The following STX3 variants were observed in gnomAD, a reference collection of about 807,000 sequenced individuals.
STX3 encodes syntaxin 3, also known as syntaxin-3.
STX3 carries 19 observed loss-of-function variants against 40.2 expected under a neutral mutation model. The ratio of observed to expected loss-of-function variants is 0.47; its 90% CI spans 0.33 to 0.69. The LOEUF is 0.69. Among genes scored for constraint, STX3 ranks in the 30% least tolerant of loss-of-function variants. STX3 has a pLI of 0.02. For synonymous variants in STX3, 122 were observed against 132.2 expected (o/e 0.92, Z 0.53); for missense variants, 364 against 366.7 (o/e 0.99, Z 0.06).
chr11:59,797,390 C>T lies in STX3; in HGVS notation c.*24C>T. On this transcript the variant is annotated 3_prime_UTR_variant, in exon 10 of 11. Transcript: ENST00000337979. ...AAGAGTGGCCTAAGAGGCTGCTGCACTGAAATGTAAGTAAACGAGTGGTTC... is the reference window on the plus strand; with the variant it reads ...AAGAGTGGCCTAAGAGGCTGCTGCATTGAAATGTAAGTAAACGAGTGGTTC... 2 of 1,613,026 alleles carry T rather than the reference C, an allele frequency of 1.2e-6. No individual in the cohort carries two copies. The highest frequency in any genetic ancestry group is 1.7e-6 in the Non-Finnish European group (2 of 1,179,364).
intron 1 of STX3, among the ~76,000 whole-genome samples, chr11:59,757,968 A>C (rs755908488): frequency 6.6e-6 from 1 of 152,184 alleles, no homozygotes; most frequent in Non-Finnish European, 1.5e-5. Flanking sequence ...TCCGTTATCA[A>C]TTAGAAGCGT....
Position 59,803,164 on chromosome 11 carries a change from CT to C in STX3, c.*2345del, listed in dbSNP as rs1865960506. 1.6e-6 allele frequency: 2 copies of C among 1,231,514 alleles called. No homozygotes were observed. Among genetic ancestry groups the C allele is most frequent in the South Asian group, 8.2e-5 (2 of 24,298 alleles). The allele number at this position is 1,231,514 out of a possible 1,614,324, so 76.3% of individuals were successfully genotyped here. ...CATGCACTTATCTCCCTGCAGAATA[CT>C]TTTTGCGATGATGTTTCTCATGTAT... On this transcript the variant is annotated 3_prime_UTR_variant, in exon 11 of 11. Coordinates refer to ENST00000337979, the MANE Select transcript of STX3 (RefSeq NM_004177.5).
In STX3 at chr11:59,802,607, A is replaced by G. The variant is rs1865930820; in HGVS notation, c.*1783A>G. 4.1e-6 allele frequency: 4 copies of G among 985,756 alleles called. No homozygotes were observed. The highest frequency in any genetic ancestry group is 1.7e-5 in the African/African-American group (1 of 57,240). The allele number at this position is 985,756 out of a possible 1,614,324, so 61.1% of individuals were successfully genotyped here. On this transcript the variant is annotated 3_prime_UTR_variant, in exon 11 of 11. Coordinates refer to ENST00000337979, the MANE Select transcript of STX3 (RefSeq NM_004177.5). ...CCTGGGGCTTACAGTTTGGAATACA[A>G]CATGTGAAGGTTTTTGTTGTTGTTT...
intron 5 of STX3, 69 bp downstream of exon 5, chr11:59,790,655 ATTT>A: frequency 1.2e-5 from 11 of 954,942 alleles, no homozygotes; most frequent in South Asian, 1.6e-5. Flanking sequence ...CTGTGGAGGG[ATTT>A]TTTTTTTTTA....
At chr11:59,754,814 G>T (rs1035206197), upstream of STX3, 3 of 152,106 alleles carry the variant, frequency 2.0e-5, no homozygotes, top group African/African-American at 7.2e-5. Flanking sequence ...TACGTTTCTC[G>T]GAGCGGTCCC....
At chr11:59,781,611 G>A in intron 2 of STX3, 3 of 1,613,676 alleles carry the variant, frequency 1.9e-6, no homozygotes, top group Non-Finnish European at 2.5e-6. Flanking sequence ...CTTGGCCATT[G>A]CGCCCATTTT....
chr11:59,793,753 G>A (rs1865347867), intron 8 of STX3, among the ~76,000 whole-genome samples: 1 of 151,964 alleles, frequency 6.6e-6, no homozygotes, highest in South Asian at 2.1e-4. Flanking sequence ...GTCGTTGCTA[G>A]TTGATACAGG....
At chr11:59,793,049 GT>G in intron 6 of STX3, 49 bp from the exon 7 acceptor site, 1 of 1,580,196 alleles carries the variant, frequency 6.3e-7, no homozygotes, top group South Asian at 1.1e-5. Flanking sequence ...TTATCAGATG[GT>G]GTTTCACCGT....
At chr11:59,777,720 TGA>T (rs151230945) in intron 2 of STX3, among the ~76,000 whole-genome samples, 4,204 of 152,214 alleles carry the variant, frequency 0.028, 84 homozygotes, top group Non-Finnish European at 0.041. Flanking sequence ...CTTAGGATTG[TGA>T]GAGAGAGAGT....
chr11:59,781,855 G>T, intron 2 of STX3: 1 of 834,196 alleles, frequency 1.2e-6, no homozygotes, highest in Admixed American at 2.5e-5. Context: ...TTTGGGGAAA[G>T]TGAAGGTGTA....
intron 2 of STX3, among the ~76,000 whole-genome samples, chr11:59,785,301 A>G (rs1864679513): frequency 6.6e-6 from 1 of 152,082 alleles, no homozygotes. Context: ...GAGCTCAAGT[A>G]TTGTTTCTCC....
At chr11:59,793,549 G>T (rs1475571082) in intron 8 of STX3, 35 bp downstream of exon 8, 8 of 1,600,124 alleles carry the variant, frequency 5.0e-6, no homozygotes, top group South Asian at 1.1e-5. Flanking sequence ...GGGGAGGGAG[G>T]AGAGGAAAGC....
chr11:59,758,904 C>T (rs1029088716), intron 1 of STX3, among the ~76,000 whole-genome samples: 4 of 152,104 alleles, frequency 2.6e-5, no homozygotes, highest in African/African-American at 9.7e-5. Flanking sequence ...AACGCATGTT[C>T]CTGGCCCTTA....
At chr11:59,790,423 G>GCTC (rs1865057985) in intron 4 of STX3, 96 bp from the exon 5 acceptor site, 1 of 947,646 alleles carries the variant, frequency 1.1e-6, no homozygotes, top group Admixed American at 1.8e-5. Flanking sequence ...ATCTCCGTGG[G>GCTC]CTGGATGTGT....
rs1478408652 is a variant in STX3, at chr11:59,755,633, G to A, written c.28G>A (p.Ala10Thr). The A allele has an allele frequency of 1.3e-6, 2 of 1,593,804 alleles. No individual in the cohort carries two copies. Among genetic ancestry groups the A allele is most frequent in the Non-Finnish European group, 1.7e-6 (2 of 1,175,960 alleles). The change falls in exon 1 of 11, where the codon GCC becomes ACC. Residue 10 changes from alanine to threonine, a missense_variant and splice_region_variant. Physicochemically the swap from Ala to Thr is moderately conservative, Grantham distance 58 (BLOSUM62 0). Transcript: ENST00000337979. ...GAAGGACCGTCTGGAGCAGCTGAAG[G>A]CCGTGAGTTTCGCCGCAGGCGGGGT... MKDRLEQLK[A>T]KQLTQDDDTD...
intron 2 of STX3, among the ~76,000 whole-genome samples, chr11:59,774,777 G>A (rs1264715084): frequency 6.6e-6 from 1 of 152,206 alleles, no homozygotes; most frequent in Non-Finnish European, 1.5e-5. Flanking sequence ...GTTGCAGTGA[G>A]CCGAGATTGC....
chr11:59,802,255 A>G lies in STX3; in HGVS notation c.*1431A>G. The stretch of plus-strand genomic sequence containing the variant: ...CATGGAAACAGCAGCAGCAGCCGCT[A>G]GGAAATCTTCAAGTGTAGTGTCTGT... On this transcript the variant is annotated 3_prime_UTR_variant, in exon 11 of 11. Coordinates refer to ENST00000337979, the MANE Select transcript of STX3 (RefSeq NM_004177.5). 1.0e-6 allele frequency: 1 copy of G among 985,522 alleles called. No homozygotes were observed. The highest frequency in any genetic ancestry group is 1.2e-6 in the Non-Finnish European group (1 of 829,978). 61.0% of individuals were successfully genotyped at this position (985,522 alleles called of 1,614,324 possible). A position where few individuals can be genotyped will look rare whatever the true frequency, so the allele number is the denominator to read the frequency against.
rs748197336 is a variant in STX3 at position 59,803,858 on chromosome 11, C to T, written c.*3034C>T. On this transcript the variant is annotated 3_prime_UTR_variant, in exon 11 of 11. Coordinates refer to ENST00000337979, the MANE Select transcript of STX3 (RefSeq NM_004177.5). ...CCCACAGCCCTCACAGATTGATCGA[C>T]TGGCATTTCTAATCCTCCTTCCACT... The T allele has an allele frequency of 2.0e-5, 3 of 153,132 alleles. No homozygotes were observed. The highest frequency in any genetic ancestry group is 3.8e-4 in the East Asian group (2 of 5,196). The allele number at this position is 153,132 out of a possible 1,614,324, so 9.5% of individuals were successfully genotyped here.
Position 59,793,494 on chromosome 11 carries a change from G to A in STX3, c.655G>A (p.Ala219Thr), listed in dbSNP as rs376160845. The A allele has an allele frequency of 1.5e-5, 25 of 1,613,772 alleles. No individual in the cohort carries two copies. The South Asian group carries it at 2.0e-4, about 13-fold the overall frequency. ...GCTTCACGACATGTTTATGGACATC[G>A]CCATGCTGGTGGAGAATCAGGTAAG... ...KELHDMFMDI[A>T]MLVENQGEML... Residue 219 changes from alanine (A) to threonine (T), a missense_variant, in exon 8 of 11, where the codon GCC becomes ACC. Physicochemically the swap from Ala to Thr is moderately conservative, Grantham distance 58 (BLOSUM62 0). Transcript: ENST00000337979.
Sources: gnomAD v4.1 joint callset for allele counts (sites outside exome capture counted in the v4.1 genomes callset) on GRCh38, gnomAD v4.1.1 for gene constraint, MANE v1.5 for transcripts, NCBI Gene and HGNC (gene_info 2026-07-23, HGNC 2026-07-21) for gene names.